NRG3: variants seen among roughly 807,000 people sequenced by gnomAD.
The protein encoded by NRG3 is neuregulin 3, also known as pro-neuregulin-3, membrane-bound isoform.
In NRG3, 31 loss-of-function variants were observed where a neutral mutation model predicts 66.9. The observed-to-expected ratio is 0.46, with a 90% CI of 0.35 to 0.63. NRG3 has a LOEUF of 0.63. Ranked by LOEUF, NRG3 falls within the 20% of genes least tolerant of loss-of-function variation. The pLI, the probability that NRG3 is intolerant of heterozygous loss-of-function variation, is 0.00. For synonymous variants in NRG3, 393 were observed against 359.4 expected, an observed-to-expected ratio of 1.09 and a Z score of -1.06; for missense variants, 910 against 878.9, an observed-to-expected ratio of 1.04 and a Z score of -0.45.
intron 2 of NRG3, among the ~76,000 whole-genome samples, chr10:82,417,433 T>A (rs2088663722): frequency 1.3e-5 from 2 of 152,202 alleles, no homozygotes; most frequent in Non-Finnish European, 2.9e-5. Context: ...GCAAGGCCAG[T>A]GCAGCAGAGA....
intron 1 of NRG3, among the ~76,000 whole-genome samples, chr10:82,119,954 C>T (rs992390561): frequency 2.6e-5 from 4 of 152,096 alleles, no homozygotes; most frequent in African/African-American, 7.2e-5. Context: ...GTCACGACCT[C>T]TACTTCTGTG....
intron 3 of NRG3, among the ~76,000 whole-genome samples, chr10:82,845,131 G>C (rs1035453212): frequency 2.0e-5 from 3 of 152,086 alleles, no homozygotes; most frequent in African/African-American, 7.2e-5. Flanking sequence ...CTCCAGCCTG[G>C]GCGATAAAGC....
chr10:82,903,255 G>A (rs1288481758), intron 4 of NRG3, among the ~76,000 whole-genome samples: 2 of 152,132 alleles, frequency 1.3e-5, no homozygotes, highest in Admixed American at 1.3e-4. Context: ...GAGCCCAAAT[G>A]TTGAGCGTGT....
chr10:82,985,171 C>T lies in NRG3; in HGVS notation c.1657C>T (p.Pro553Ser), dbSNP rs900344857. 32 of 1,614,014 alleles carry T rather than the reference C, an allele frequency of 2.0e-5. No homozygotes were observed. The highest frequency in any genetic ancestry group is 2.5e-5 in the Non-Finnish European group (30 of 1,179,972). ...GCAACTGCCTTCAAGAGAGACAAAC[C>T]CCTATTTTAATAGCTTGGAGCAAAA... ...NMQLPSRETN[P>S]YFNSLEQKDL... is the part of the protein sequence containing the mutation. The change falls in exon 9 of 9, where the codon CCC becomes TCC. Residue 553 changes from proline (P) to serine (S), a missense_variant. Pro to Ser is a moderately conservative substitution (Grantham distance 74). Coordinates refer to ENST00000372141, the MANE Select transcript of NRG3 (RefSeq NM_001010848.4).
At chr10:82,342,120 T>C (rs1191832112) in intron 1 of NRG3, among the ~76,000 whole-genome samples, 1 of 151,670 alleles carries the variant, frequency 6.6e-6, no homozygotes, top group East Asian at 1.9e-4. Flanking sequence ...TGGAATATGG[T>C]ATTTATGTTA....
chr10:82,124,296 T>A (rs1314973370), intron 1 of NRG3, among the ~76,000 whole-genome samples: 1 of 152,048 alleles, frequency 6.6e-6, no homozygotes, highest in Non-Finnish European at 1.5e-5. Flanking sequence ...TTCATCCACA[T>A]CTGTAAAGTG....
intron 2 of NRG3, among the ~76,000 whole-genome samples, chr10:82,433,051 G>T (rs913955509): frequency 4.6e-5 from 7 of 152,062 alleles, no homozygotes; most frequent in Non-Finnish European, 4.4e-5. Flanking sequence ...TGTATTCCAC[G>T]ATGGTTGAAA....
chr10:81,991,571 C>A (rs1030420140), intron 1 of NRG3, among the ~76,000 whole-genome samples: 1 of 152,128 alleles, frequency 6.6e-6, no homozygotes, highest in African/African-American at 2.4e-5. Flanking sequence ...AACCAACCTT[C>A]CTTACTCAGA....
intron 1 of NRG3, among the ~76,000 whole-genome samples, chr10:82,279,436 A>G (rs1243643259): frequency 2.0e-5 from 3 of 152,186 alleles, no homozygotes; most frequent in Admixed American, 6.6e-5. Context: ...CACATAGACA[A>G]TAAAGGCATT....
intron 3 of NRG3, among the ~76,000 whole-genome samples, chr10:82,845,046 C>G (rs342383): frequency 8.6e-5 from 13 of 151,842 alleles, no homozygotes; most frequent in Non-Finnish European, 1.6e-4. Flanking sequence ...TCCCAGCTAC[C>G]TGGGAGGCTG....
chr10:82,542,144 A>C (rs1042303313), intron 2 of NRG3, among the ~76,000 whole-genome samples: 1 of 151,280 alleles, frequency 6.6e-6, no homozygotes, highest in Admixed American at 6.6e-5. Flanking sequence ...TCATTTTTCA[A>C]CTCCCACTTA....
intron 2 of NRG3, among the ~76,000 whole-genome samples, chr10:82,693,394 T>C (rs892172669): frequency 6.6e-5 from 10 of 152,204 alleles, no homozygotes; most frequent in African/African-American, 2.2e-4. Context: ...TTGCCTGTTT[T>C]CCAACAATAC....
intron 2 of NRG3, among the ~76,000 whole-genome samples, chr10:82,562,039 C>A (rs1412163549): frequency 1.3e-5 from 2 of 152,100 alleles, no homozygotes; most frequent in Non-Finnish European, 2.9e-5. Flanking sequence ...TTAGACAAAC[C>A]TTCCTACATT....
chr10:82,551,708 G>A (rs2044319576), intron 2 of NRG3, among the ~76,000 whole-genome samples: 1 of 151,858 alleles, frequency 6.6e-6, no homozygotes, highest in South Asian at 2.1e-4. Flanking sequence ...AGCGGTCAAT[G>A]AGTAACTTTG....
At chr10:82,041,766 T>G (rs550072122) in intron 1 of NRG3, among the ~76,000 whole-genome samples, 2 of 151,902 alleles carry the variant, frequency 1.3e-5, no homozygotes, top group Admixed American at 6.6e-5. Flanking sequence ...CCTTCTTTCC[T>G]TCTTTTCTTC....
chr10:82,629,034 T>C (rs1565144439), intron 2 of NRG3, among the ~76,000 whole-genome samples: 1 of 152,184 alleles, frequency 6.6e-6, no homozygotes, highest in Non-Finnish European at 1.5e-5. Flanking sequence ...TATTCAAATG[T>C]TAAGTGAGCA....
At chr10:82,331,737 GT>G (rs2082144848) in intron 1 of NRG3, among the ~76,000 whole-genome samples, 1 of 152,144 alleles carries the variant, frequency 6.6e-6, no homozygotes, top group Non-Finnish European at 1.5e-5. Flanking sequence ...CATGCAACCT[GT>G]TTATTAAAGT....
At chr10:82,704,293 T>C (rs2056125332) in intron 2 of NRG3, among the ~76,000 whole-genome samples, 1 of 152,042 alleles carries the variant, frequency 6.6e-6, no homozygotes, top group African/African-American at 2.4e-5. Flanking sequence ...ATTTCCCGAT[T>C]AAATGTTCAG....
intron 2 of NRG3, among the ~76,000 whole-genome samples, chr10:82,453,135 G>GATTATT (rs981926077): frequency 6.6e-6 from 1 of 151,816 alleles, no homozygotes; most frequent in Non-Finnish European, 1.5e-5. Context: ...CTACCTTACA[G>GATTATT]ATTATTATTA....
Sources: gnomAD v4.1 joint callset for allele counts (sites outside exome capture counted in the v4.1 genomes callset) on GRCh38, gnomAD v4.1.1 for gene constraint, MANE v1.5 for transcripts, NCBI Gene and HGNC (gene_info 2026-07-23, HGNC 2026-07-21) for gene names.